ZNF365: variants seen among roughly 807,000 people sequenced by gnomAD.
ZNF365 encodes protein ZNF365.
Under a neutral mutation model 35.0 loss-of-function variants are expected in ZNF365, and 22 were observed. The observed-to-expected ratio is 0.63, with a 90% CI of 0.45 to 0.90. The LOEUF is 0.90. Among genes scored for constraint, ZNF365 ranks in the 40% least tolerant of loss-of-function variants. The pLI is 0.00. For synonymous variants in ZNF365, 188 were observed against 196.2 expected (o/e 0.96, Z 0.35); for missense variants, 448 against 500.3 (o/e 0.90, Z 1.00).
chr10:62,436,460 A>T (rs1840409354), intron 3 of ZNF365, among the ~76,000 whole-genome samples: 1 of 152,228 alleles, frequency 6.6e-6, no homozygotes, highest in South Asian at 2.1e-4. Flanking sequence ...TTACACAATA[A>T]AATTATAGAA....
rs1839822978 is a variant in ZNF365, at chr10:62,401,225, T to C, written c.*1436T>C. 1 of 984,930 alleles carries C rather than the reference T, an allele frequency of 1.0e-6. No individual in the cohort carries two copies. The highest frequency in any genetic ancestry group is 6.2e-5 in the Admixed American group (1 of 16,246). The allele number at this position is 984,930 out of a possible 1,614,324, so 61.0% of individuals were successfully genotyped here. ...TCATGGAGAAAGTGTGTGTTTGTGG[T>C]GGGTGGTTTTTAAACTATATATGTT... On this transcript the variant is annotated 3_prime_UTR_variant, in exon 5 of 5. Coordinates refer to ENST00000395254, the MANE Select transcript of ZNF365 (RefSeq NM_014951.3).
intron 4 of ZNF365, among the ~76,000 whole-genome samples, chr10:62,476,421 G>A (rs770245562): frequency 2.1e-4 from 32 of 152,134 alleles, no homozygotes; most frequent in Non-Finnish European, 3.8e-4. Flanking sequence ...GGAAGTGAAG[G>A]CTTCATTTGG....
chr10:62,480,024 C>T (rs1841197436), exon 5 of ZNF365: 1 of 1,467,538 alleles, frequency 6.8e-7, no homozygotes, highest in Non-Finnish European at 9.1e-7. Context: ...AGGAACTTTA[C>T]AAGAAACTTG....
intron 3 of ZNF365, among the ~76,000 whole-genome samples, chr10:62,440,197 T>C (rs1264920118): frequency 1.3e-5 from 2 of 151,928 alleles, no homozygotes; most frequent in Non-Finnish European, 2.9e-5. Context: ...TATTTATTTA[T>C]TTATTTTTGT....
chr10:62,412,089 C>G (rs1296569172), intron 3 of ZNF365, among the ~76,000 whole-genome samples: 1 of 152,070 alleles, frequency 6.6e-6, no homozygotes, highest in African/African-American at 2.4e-5. Context: ...TTATCCATCA[C>G]TATCAAATTG....
chr10:62,425,746 A>G (rs186082731), intron 3 of ZNF365, among the ~76,000 whole-genome samples: 2 of 152,224 alleles, frequency 1.3e-5, no homozygotes, highest in African/African-American at 2.4e-5. Context: ...CTCTTCATAG[A>G]ATGTATCACC....
rs1914179 is a variant in ZNF365 at position 62,476,717 on chromosome 10, T to A, written c.982-3159T>A. 1.7e-3 allele frequency among the ~76,000 whole-genome samples: 255 copies of A among 152,390 alleles called. 1 individual carries two copies. Among genetic ancestry groups the A allele is most frequent in the African/African-American group, 5.8e-3 (243 of 41,590 alleles). On this transcript the variant is annotated intron_variant, in intron 4 of 4. Coordinates refer to the ZNF365 transcript ENST00000395255. Reference sequence around the variant, plus strand: ...ATGGTTAAGGAAGCAAATTAGACATTGAAGTGTTCTAAGAGCTTGATCTGA... The same window carrying A: ...ATGGTTAAGGAAGCAAATTAGACATAGAAGTGTTCTAAGAGCTTGATCTGA...
At chr10:62,420,289 A>G (rs1256850018) in intron 3 of ZNF365, among the ~76,000 whole-genome samples, 1 of 152,226 alleles carries the variant, frequency 6.6e-6, no homozygotes, top group African/African-American at 2.4e-5. Context: ...CGTAATAAAT[A>G]TTTGTTAGAA....
intron 3 of ZNF365, among the ~76,000 whole-genome samples, chr10:62,418,703 A>G (rs1021078306): frequency 6.6e-6 from 1 of 152,114 alleles, no homozygotes; most frequent in African/African-American, 2.4e-5. Context: ...CTGTTTAAGC[A>G]TATTCATCTT....
intron 3 of ZNF365, among the ~76,000 whole-genome samples, chr10:62,409,298 A>C (rs1839951023): frequency 6.6e-6 from 1 of 152,130 alleles, no homozygotes; most frequent in Non-Finnish European, 1.5e-5. Context: ...TTTTCAGTAG[A>C]CCAATTCAGT....
intron 4 of ZNF365, chr10:62,479,767 A>G (rs1841191820): frequency 2.6e-6 from 2 of 768,008 alleles, no homozygotes; most frequent in Admixed American, 2.0e-5. Context: ...TGCCAGTACA[A>G]TTGTTTGCCA....
intron 3 of ZNF365, among the ~76,000 whole-genome samples, chr10:62,417,574 G>A (rs76758425): frequency 0.022 from 3,298 of 152,044 alleles, 123 homozygotes; most frequent in African/African-American, 0.075. Flanking sequence ...TCCAACTTAA[G>A]CTAGATGTGA....
intron 3 of ZNF365, among the ~76,000 whole-genome samples, chr10:62,446,829 G>A (rs939306445): frequency 3.9e-5 from 6 of 152,124 alleles, no homozygotes; most frequent in African/African-American, 1.2e-4. Context: ...TGTCAGGAGC[G>A]GCTTGAGTTA....
At position 62,399,507 on chromosome 10, in the gene ZNF365, C is replaced by A. The variant is rs775844979; in HGVS notation, c.963-21C>A. On this transcript the variant is annotated intron_variant, in intron 4 of 4. Coordinates refer to ENST00000395254, the MANE Select transcript of ZNF365 (RefSeq NM_014951.3). ...TCTTTCTGCTCATCTCTTCTCCACT[C>A]CCCCCTCCAACCCTCTGTAGAAGCC... is the stretch of plus-strand genomic sequence containing the variant. 4.6e-5 allele frequency: 74 copies of A among 1,608,674 alleles called. 1 individual carries two copies. In the Middle Eastern group the frequency reaches 6.6e-4, roughly 14 times the overall value.
chr10:62,446,276 C>T (rs1840586639), intron 3 of ZNF365, among the ~76,000 whole-genome samples: 1 of 152,130 alleles, frequency 6.6e-6, no homozygotes, highest in African/African-American at 2.4e-5. Context: ...AATTTCATGT[C>T]ATAGTAGTGA....
chr10:62,460,626 A>T (rs1165394155), intron 4 of ZNF365, among the ~76,000 whole-genome samples: 1 of 152,226 alleles, frequency 6.6e-6, no homozygotes, highest in Non-Finnish European at 1.5e-5. Context: ...TGTATAGAAA[A>T]TGGTAATATG....
At chr10:62,416,343 T>G (rs1364094452) in intron 3 of ZNF365, among the ~76,000 whole-genome samples, 1 of 152,064 alleles carries the variant, frequency 6.6e-6, no homozygotes, top group Non-Finnish European at 1.5e-5. Flanking sequence ...TGTACCCAAG[T>G]TAATGTTCTC....
At chr10:62,393,037 C>CT (rs57272087) in intron 3 of ZNF365, among the ~76,000 whole-genome samples, 4,229 of 145,004 alleles carry the variant, frequency 0.029, 74 homozygotes, top group Non-Finnish European at 0.041. Context: ...TTCTGTTAAG[C>CT]TTTTTTTTTT....
intron 4 of ZNF365, among the ~76,000 whole-genome samples, chr10:62,477,482 G>A (rs913023708): frequency 1.3e-5 from 2 of 152,124 alleles, no homozygotes; most frequent in East Asian, 3.9e-4. Context: ...TTAGATATGT[G>A]GGATTATATC....
Sources: gnomAD v4.1 joint callset for allele counts (sites outside exome capture counted in the v4.1 genomes callset) on GRCh38, gnomAD v4.1.1 for gene constraint, MANE v1.5 for transcripts, NCBI Gene and HGNC (gene_info 2026-07-23, HGNC 2026-07-21) for gene names.